COL6A6: variants seen among roughly 807,000 people sequenced by gnomAD.
COL6A6 encodes collagen type VI alpha 6 chain.
Under a neutral mutation model 208.6 loss-of-function variants are expected in COL6A6, and 183 were observed. The ratio of observed to expected loss-of-function variants is 0.88; its 90% confidence interval spans 0.78 to 0.99. The LOEUF (loss-of-function observed/expected upper bound fraction) is 0.99. Among genes scored for constraint, COL6A6 ranks in the 50% least tolerant of loss-of-function variants. COL6A6 has a pLI of 0.00. For missense variants in COL6A6, 2,816 were observed against 2,815.2 expected, an observed-to-expected ratio of 1.00 and a Z score of -0.01; for synonymous variants, 973 against 1,011.8, an observed-to-expected ratio of 0.96 and a Z score of 0.73.
At chr3:130,663,681 G>C (rs2065995620) in intron 35 of COL6A6, among the ~76,000 whole-genome samples, 1 of 152,072 alleles carries the variant, frequency 6.6e-6, no homozygotes, top group African/African-American at 2.4e-5. Context: ...AGTGTTTCAT[G>C]GGTTATTAGT....
chr3:130,581,597 C>G lies in COL6A6; in HGVS notation c.3584C>G (p.Ser1195Ter). The change falls in exon 9 of 37, where the codon TCA becomes TGA. Residue 1195 changes from serine to a stop codon, truncating the protein, a stop_gained. Coordinates refer to ENST00000358511, the MANE Select transcript of COL6A6 (RefSeq NM_001102608.3). LOFTEE classifies it high-confidence loss of function. ...FVDVVVGFDV[S>*]TQEKGQTLLE... is the part of the protein sequence containing the mutation. Reference sequence around the variant, plus strand: ...GATGTTGTGGTGGGATTTGATGTCTCAACTCAGGAGAAAGGGCAGACTTTG... The same window carrying G: ...GATGTTGTGGTGGGATTTGATGTCTGAACTCAGGAGAAAGGGCAGACTTTG... The G allele has an allele frequency of 6.2e-7, 1 of 1,612,894 alleles. No homozygotes were observed. The highest frequency in any genetic ancestry group is 8.5e-7 in the Non-Finnish European group (1 of 1,179,216).
chr3:130,589,290 A>G (rs942847760), intron 12 of COL6A6, 108 bp downstream of exon 12: 12 of 678,850 alleles, frequency 1.8e-5, no homozygotes, highest in Non-Finnish European at 2.8e-5. Context: ...AGAGCCTCTT[A>G]TATAAGAGTT....
intron 32 of COL6A6, among the ~76,000 whole-genome samples, chr3:130,646,585 A>AT (rs1221881822): frequency 1.3e-5 from 2 of 152,212 alleles, no homozygotes; most frequent in Non-Finnish European, 2.9e-5. Flanking sequence ...AACAAAAAAA[A>AT]CCAAAGGAGC....
chr3:130,641,757 A>C, intron 29 of COL6A6, 43 bp downstream of exon 29: 1 of 334,272 alleles, frequency 3.0e-6, no homozygotes, highest in Non-Finnish European at 4.7e-6. Context: ...CTTTTCCATT[A>C]AAAAAAAAAA....
At chr3:130,608,763 C>CTTTTTTTTTTT (rs752049202) in intron 21 of COL6A6, 139 bp from the exon 22 acceptor site, 1 of 310,016 alleles carries the variant, frequency 3.2e-6, no homozygotes, top group Admixed American at 8.3e-5. Flanking sequence ...TATTTTTCAC[C>CTTTTTTTTTTT]TTTTTTTTTT....
intron 7 of COL6A6, among the ~76,000 whole-genome samples, chr3:130,571,707 C>T (rs1405168522): frequency 6.6e-6 from 1 of 152,068 alleles, no homozygotes; most frequent in African/African-American, 2.4e-5. Context: ...CAGGGTCTTG[C>T]TCTGTTGCCC....
At chr3:130,599,158 G>C (rs948588277) in intron 19 of COL6A6, among the ~76,000 whole-genome samples, 25 of 152,036 alleles carry the variant, frequency 1.6e-4, no homozygotes, top group African/African-American at 6.0e-4. Flanking sequence ...GTCATGATGG[G>C]AATTAATGAT....
chr3:130,635,640 A>G (rs1192778145), intron 27 of COL6A6, 59 bp from the exon 28 acceptor site: 29 of 1,131,672 alleles, frequency 2.6e-5, no homozygotes, highest in Non-Finnish European at 1.7e-5. Context: ...AGATGCAAAT[A>G]TGTTACATAT....
At chr3:130,668,862 A>G (rs13067451) in intron 36 of COL6A6, among the ~76,000 whole-genome samples, 1 of 152,384 alleles carries the variant, frequency 6.6e-6, no homozygotes, top group African/African-American at 2.4e-5. Context: ...TAGTAATGAT[A>G]TAAAAGATGT....
intron 35 of COL6A6, among the ~76,000 whole-genome samples, chr3:130,664,107 CTCT>C (rs2108468658): frequency 6.6e-6 from 1 of 152,310 alleles, no homozygotes; most frequent in East Asian, 1.9e-4. Context: ...CGCTTTGTGG[CTCT>C]TATTTAAATA....
At chr3:130,561,872 T>C (rs1337210604) in intron 2 of COL6A6, among the ~76,000 whole-genome samples, 1 of 151,724 alleles carries the variant, frequency 6.6e-6, no homozygotes, top group Non-Finnish European at 1.5e-5. Flanking sequence ...CAGGATGGTC[T>C]CGATCTCCTG....
intron 6 of COL6A6, 102 bp downstream of exon 6, chr3:130,568,706 G>T (rs1577729838): frequency 9.1e-7 from 1 of 1,098,494 alleles, no homozygotes; most frequent in Non-Finnish European, 1.3e-6. Flanking sequence ...GTAAACTTTT[G>T]GTTTAATTGA....
chr3:130,609,042 A>G (rs2064272994), intron 22 of COL6A6, 78 bp downstream of exon 22: 2 of 1,031,464 alleles, frequency 1.9e-6, no homozygotes, highest in Middle Eastern at 2.1e-4. Context: ...CCTGATAGAA[A>G]CCTTCAAATC....
chr3:130,531,690 A>C (rs919603165), intron 1 of COL6A6, among the ~76,000 whole-genome samples: 2 of 152,140 alleles, frequency 1.3e-5, no homozygotes, highest in Non-Finnish European at 2.9e-5. Context: ...GTCCTTCTCC[A>C]TTGAAACCCC....
At chr3:130,659,080 T>C (rs541533403) in intron 34 of COL6A6, among the ~76,000 whole-genome samples, 1 of 152,248 alleles carries the variant, frequency 6.6e-6, no homozygotes, top group Non-Finnish European at 1.5e-5. Flanking sequence ...TTTTATGCTA[T>C]AAAGTATATT....
At chr3:130,608,840 C>T in intron 21 of COL6A6, 62 bp from the exon 22 acceptor site, 1 of 874,190 alleles carries the variant, frequency 1.1e-6, no homozygotes, top group East Asian at 5.9e-5. Flanking sequence ...TGTAAGCTTG[C>T]AGGTAAAGGA....
At chr3:130,582,156 A>G in intron 10 of COL6A6, 88 bp downstream of exon 10, 1 of 795,958 alleles carries the variant, frequency 1.3e-6, no homozygotes, top group South Asian at 1.8e-5. Flanking sequence ...CCAGGCTCTT[A>G]AATTTTGAAT....
At chr3:130,622,957 AG>A (rs2064780255) in intron 24 of COL6A6, among the ~76,000 whole-genome samples, 1 of 152,042 alleles carries the variant, frequency 6.6e-6, no homozygotes, top group Non-Finnish European at 1.5e-5. Context: ...AGCGGTGTGA[AG>A]GAAGGCACAA....
At chr3:130,617,990 G>A (rs191972647) in intron 23 of COL6A6, among the ~76,000 whole-genome samples, 5 of 152,114 alleles carry the variant, frequency 3.3e-5, no homozygotes, top group African/African-American at 1.2e-4. Flanking sequence ...AGCAGTTGTG[G>A]TTGCCAAGGG....
Sources: gnomAD v4.1 joint callset for allele counts (sites outside exome capture counted in the v4.1 genomes callset) on GRCh38, gnomAD v4.1.1 for gene constraint, MANE v1.5 for transcripts, NCBI Gene and HGNC (gene_info 2026-07-23, HGNC 2026-07-21) for gene names.